Variants in APC observed in about 807,000 individuals in gnomAD.
APC encodes the protein adenomatous polyposis coli protein.
APC carries 72 observed loss-of-function variants against 247.0 expected under a neutral mutation model. The ratio of observed to expected loss-of-function variants is 0.29; its 90% CI spans 0.24 to 0.35. The LOEUF (loss-of-function observed/expected upper bound fraction) is 0.35, where lower values mean the gene tolerates loss of function less well. Ranked by LOEUF, APC falls within the 10% of genes least tolerant of loss-of-function variation. APC has a pLI of 1.00. For missense variants in APC, 3,400 were observed against 3,360.7 expected (o/e 1.01, Z -0.29); for synonymous variants, 1,254 against 1,162.5 (o/e 1.08, Z -1.60).
intron 10 of APC, among the ~76,000 whole-genome samples, chr5:112,819,624 C>T (rs1255456340): frequency 6.6e-6 from 1 of 152,160 alleles, no homozygotes; most frequent in Non-Finnish European, 1.5e-5. Flanking sequence ...AGAACTTGAG[C>T]AATTATGTTG....
Position 112,838,871 on chromosome 5 carries a change from T to G in APC, c.3277T>G (p.Phe1093Val), listed in dbSNP as rs1580633356. Residue 1093 changes from phenylalanine (F) to valine (V), a missense_variant, in exon 16 of 16, where the codon TTT becomes GTT. Around this residue, in one of 9 missense-constraint regions of APC, gnomAD observed 715 missense variants for 656.6 expected, o/e 1.09. Transcript: ENST00000257430. ...DDKHLKFQPH[F>V]GQQECVSPYR... ...TAAACACCTCAAGTTCCAACCACATTTTGGACAGCAGGAATGTGTTTCTCC... is the reference window on the plus strand; with the variant it reads ...TAAACACCTCAAGTTCCAACCACATGTTGGACAGCAGGAATGTGTTTCTCC... 6.2e-7 allele frequency: 1 copy of G among 1,614,086 alleles called. No homozygotes were observed. The highest frequency in any genetic ancestry group is 8.5e-7 in the Non-Finnish European group (1 of 1,180,022).
At chr5:112,781,051 G>C in intron 6 of APC, 148 bp downstream of exon 6, 1 of 680,972 alleles carries the variant, frequency 1.5e-6, no homozygotes, top group Non-Finnish European at 2.7e-6. Flanking sequence ...TATCATGGCT[G>C]CTGAGCAACA....
chr5:112,827,178 C>T lies in APC; in HGVS notation c.1479C>T (p.Tyr493=), dbSNP rs1561553939. 1.9e-6 allele frequency: 3 copies of T among 1,613,772 alleles called. No homozygotes were observed. The highest frequency in any genetic ancestry group is 1.7e-6 in the Non-Finnish European group (2 of 1,179,772). ...CEMYGLTNDH[Y]SITLRRYAGM... ...TGTATGGGCTTACTAATGACCACTA[C>T]AGTATTACACTAAGACGATATGCTG... is the stretch of plus-strand genomic sequence containing the variant. The change falls in exon 12 of 16, where the codon TAC becomes TAT. Residue 493 remains tyrosine (Y), a synonymous_variant. Transcript: ENST00000257430.
intron 7 of APC, among the ~76,000 whole-genome samples, chr5:112,800,345 A>G (rs1435031429): frequency 6.6e-6 from 1 of 152,136 alleles, no homozygotes; most frequent in Non-Finnish European, 1.5e-5. Context: ...AATTATTCTT[A>G]TATTTCTGGA....
chr5:112,825,116 C>T (rs1036081960), intron 11 of APC, among the ~76,000 whole-genome samples: 1 of 152,122 alleles, frequency 6.6e-6, no homozygotes, highest in African/African-American at 2.4e-5. Flanking sequence ...AATTCCAATC[C>T]AGTTGCTCAA....
chr5:112,773,497 G>A (rs139828526), intron 4 of APC, among the ~76,000 whole-genome samples: 2 of 152,132 alleles, frequency 1.3e-5, no homozygotes. Context: ...ACTTTTGACT[G>A]CCCGAAAACT....
At chr5:112,756,955 T>C (rs1329715533) in intron 2 of APC, among the ~76,000 whole-genome samples, 2 of 152,222 alleles carry the variant, frequency 1.3e-5, no homozygotes, top group African/African-American at 4.8e-5. Context: ...AATGCTCCAT[T>C]GAGCATTTCG....
intron 12 of APC, 90 bp from the exon 13 acceptor site, chr5:112,827,835 TAATG>T (rs1763857940): frequency 3.0e-6 from 3 of 998,288 alleles, no homozygotes; most frequent in Non-Finnish European, 4.7e-6. Context: ...TAAAACAAAA[TAATG>T]AAAACTGAAT....
In APC at chr5:112,842,168, A is replaced by G. The variant is rs756512551; in HGVS notation, c.6574A>G (p.Lys2192Glu). The change falls in exon 16 of 16, where the codon AAA becomes GAA. Residue 2192 changes from lysine to glutamate, a missense_variant. Around this residue, in one of 9 missense-constraint regions of APC, gnomAD observed 1,788 missense variants for 1,649.5 expected, o/e 1.08. Coordinates refer to ENST00000257430, the MANE Select transcript of APC (RefSeq NM_000038.6). ...TGAAAGTAAAGGAATCAAAGGAGGA[A>G]AAAAAGTTTATAAAAGTTTGATTAC... is the stretch of plus-strand genomic sequence containing the variant. ...ESESKGIKGGKKVYKSLITGK... is the reference protein window; with the variant it reads ...ESESKGIKGGEKVYKSLITGK... 1.2e-6 allele frequency: 2 copies of G among 1,612,900 alleles called. No individual in the cohort carries two copies. The highest frequency in any genetic ancestry group is 3.3e-5 in the Admixed American group (2 of 59,924).
chr5:112,837,692 G>A lies in APC; in HGVS notation c.2098G>A (p.Asp700Asn), dbSNP rs1765104612. Residue 700 changes from aspartate to asparagine, a missense_variant, in exon 16 of 16, where the codon GAC becomes AAC. Around this residue, in one of 9 missense-constraint regions of APC, gnomAD observed 184 missense variants for 248.0 expected, o/e 0.74. Transcript: ENST00000257430. ...TCCTAAAGACCAGGAAGCATTATGG[G>A]ACATGGGGGCAGTTAGCATGCTCAA... is the stretch of plus-strand genomic sequence containing the variant. The part of the protein sequence containing the change: ...RNPKDQEALW[D>N]MGAVSMLKNL... The A allele has an allele frequency of 6.2e-7, 1 of 1,614,190 alleles. No homozygotes were observed. The highest frequency in any genetic ancestry group is 8.5e-7 in the Non-Finnish European group (1 of 1,180,038).
intron 1 of APC, among the ~76,000 whole-genome samples, chr5:112,724,008 C>T (rs533840030): frequency 2.0e-5 from 3 of 152,106 alleles, no homozygotes; most frequent in African/African-American, 7.2e-5. Flanking sequence ...GGATGAGGAG[C>T]TATCTGGGGA....
At chr5:112,762,033 T>G (rs1416805221) in intron 2 of APC, among the ~76,000 whole-genome samples, 4 of 152,152 alleles carry the variant, frequency 2.6e-5, no homozygotes, top group Non-Finnish European at 4.4e-5. Flanking sequence ...TCAGAATATA[T>G]AAATCCCACA....
chr5:112,735,840 G>A (rs2455296), upstream of APC, among the ~76,000 whole-genome samples: 10,713 of 152,124 alleles, frequency 0.07, 432 homozygotes, highest in Middle Eastern at 0.14. Flanking sequence ...TATAATGGTC[G>A]TAGCTTTCTT....
chr5:112,799,767 C>T (rs1040845668), intron 7 of APC, among the ~76,000 whole-genome samples: 3 of 152,034 alleles, frequency 2.0e-5, no homozygotes, highest in Non-Finnish European at 4.4e-5. Flanking sequence ...CTACTTTCCT[C>T]CTTATTTTTG....
intron 1 of APC, among the ~76,000 whole-genome samples, chr5:112,742,551 C>G (rs1330666389): frequency 1.3e-5 from 2 of 152,156 alleles, no homozygotes; most frequent in African/African-American, 2.4e-5. Flanking sequence ...GGATCTTCTT[C>G]CAAGATGGCT....
intron 8 of APC, among the ~76,000 whole-genome samples, chr5:112,809,597 CAAAAAA>C (rs113558913): frequency 9.8e-6 from 1 of 102,416 alleles, no homozygotes; most frequent in Non-Finnish European, 2.1e-5. Flanking sequence ...TGGGTTTCAC[CAAAAAA>C]AAAAAAAAAA....
rs1580627038 is a variant in APC at position 112,838,383 on chromosome 5, C to G, written c.2789C>G (p.Thr930Arg). Residue 930 changes from threonine to arginine, a missense_variant, in exon 16 of 16, where the codon ACA becomes AGA. By Grantham distance (71) the Thr-to-Arg change is moderately conservative. Around this residue, in one of 9 missense-constraint regions of APC, gnomAD observed 715 missense variants for 656.6 expected, o/e 1.09. Coordinates refer to ENST00000257430, the MANE Select transcript of APC (RefSeq NM_000038.6). ...NALRRSSAAH[T>R]HSNTYNFTKS... ...CTTAGAAGAAGCTCTGCTGCCCATA[C>G]ACATTCAAACACTTACAATTTCACT... 6.2e-7 allele frequency: 1 copy of G among 1,614,174 alleles called. No homozygotes were observed. Among genetic ancestry groups the G allele is most frequent in the Non-Finnish European group, 8.5e-7 (1 of 1,180,024 alleles).
intron 6 of APC, among the ~76,000 whole-genome samples, chr5:112,781,657 T>C (rs1758359036): frequency 6.6e-6 from 1 of 152,240 alleles, no homozygotes; most frequent in Non-Finnish European, 1.5e-5. Context: ...ATACATTTTG[T>C]ATTCTATAAA....
rs1580380108 is a variant in APC at position 112,780,863 on chromosome 5, A to G, written c.605A>G (p.Glu202Gly). 1 of 1,613,198 alleles carries G rather than the reference A, an allele frequency of 6.2e-7. No homozygotes were observed. The highest frequency in any genetic ancestry group is 1.7e-5 in the Admixed American group (1 of 60,006). ...EARQIRVAME[E>G]QLGTCQDMEK... is the part of the protein sequence containing the mutation. ...AGGCAAATCAGAGTTGCGATGGAAG[A>G]ACAACTAGGTACCTGCCAGGATATG... Residue 202 changes from glutamate to glycine, a missense_variant, in exon 6 of 16, where the codon GAA becomes GGA. Physicochemically the swap from Glu to Gly is moderately conservative, Grantham distance 98. Transcript: ENST00000257430.
Sources: gnomAD v4.1 joint callset for allele counts (sites outside exome capture counted in the v4.1 genomes callset) on GRCh38, gnomAD v4.1.1 for gene constraint, gnomAD v4.1.1 regional missense constraint, MANE v1.5 for transcripts, NCBI Gene and HGNC (gene_info 2026-07-23, HGNC 2026-07-21) for gene names.